The following WAPL variants were observed in gnomAD, a reference collection of about 807,000 sequenced individuals.
WAPL encodes the protein WAPL cohesin release factor, also known as wings apart-like protein homolog.
WAPL carries 5 observed loss-of-function variants against 121.0 expected under a neutral mutation model. That is an observed-to-expected ratio of 0.04 (90% confidence interval 0.02 to 0.09). The LOEUF (loss-of-function observed/expected upper bound fraction) is 0.09, where lower values mean the gene tolerates loss of function less well. WAPL is among the 10% of genes least tolerant of loss of function. The pLI is 1.00. For synonymous variants in WAPL, 480 were observed against 481.5 expected (o/e 1.00, Z 0.04); for missense variants, 999 against 1,410.8 (o/e 0.71, Z 4.68).
chr10:86,454,454 T>C (rs866743101), intron 12 of WAPL, among the ~76,000 whole-genome samples: 2 of 152,176 alleles, frequency 1.3e-5, no homozygotes, highest in South Asian at 2.1e-4. Flanking sequence ...ACTGCCGCCA[T>C]CTCGGCTCAC....
chr10:86,462,900 G>A (rs771135990), intron 9 of WAPL, among the ~76,000 whole-genome samples: 1 of 152,120 alleles, frequency 6.6e-6, no homozygotes, highest in African/African-American at 2.4e-5. Context: ...GCCTAATGAG[G>A]CATTCTTTGT....
In WAPL at chr10:86,491,187, T is replaced by C. The variant is rs377702168; in HGVS notation, c.1644+6014A>G. Among the ~76,000 whole-genome samples, 3 of 138,134 alleles carry C rather than the reference T, an allele frequency of 2.2e-5. No homozygotes were observed. In the South Asian group the frequency reaches 7.3e-4, roughly 34 times the overall value. The allele number at this position is 138,134 out of a possible 152,430, so 90.6% of individuals were successfully genotyped here. A position where few individuals can be genotyped will look rare whatever the true frequency, so the allele number is the denominator to read the frequency against. On this transcript the variant is annotated intron_variant, in intron 4 of 18. Transcript: ENST00000298767. ...CGGAGTCTCGCTCTGTTGCCCAGGC[T>C]GGAGTGCAGTGGCATGATCTCCGCT...
At chr10:86,497,690 A>G (rs1842174777) in intron 3 of WAPL, among the ~76,000 whole-genome samples, 2 of 152,344 alleles carry the variant, frequency 1.3e-5, no homozygotes, top group Middle Eastern at 6.8e-3. Context: ...CACACAAAAC[A>G]TCATGCGTAT....
At position 86,521,702 on chromosome 10, in the gene WAPL, G is replaced by A. The variant is rs778270767; in HGVS notation, c.-360C>T. On this transcript the variant is annotated 5_prime_UTR_variant, in exon 1 of 19. Coordinates refer to ENST00000298767, the MANE Select transcript of WAPL (RefSeq NM_015045.5). The stretch of plus-strand genomic sequence containing the variant: ...CCGCTTCCGCCGGTGAATGGTCAGT[G>A]CTGGAGTTTGAACAGGGCCCTGAAC... 14 of 464,414 alleles carry A rather than the reference G, an allele frequency of 3.0e-5. No individual in the cohort carries two copies. The highest frequency in any genetic ancestry group is 2.2e-4 in the South Asian group (14 of 63,518). 28.8% of individuals were successfully genotyped at this position (464,414 alleles called of 1,614,324 possible).
intron 16 of WAPL, 115 bp downstream of exon 16, chr10:86,446,127 G>A: frequency 1.8e-6 from 2 of 1,128,590 alleles, no homozygotes; most frequent in Non-Finnish European, 2.6e-6. Flanking sequence ...CTGAACTAGA[G>A]AGGTCCTCAA....
chr10:86,487,870 G>C (rs10788511), intron 4 of WAPL, among the ~76,000 whole-genome samples: 39,033 of 151,994 alleles, frequency 0.26, 5,882 homozygotes, highest in South Asian at 0.44. Flanking sequence ...ACTCCAGCCT[G>C]GGCAACAGAG....
Position 86,521,571 on chromosome 10 carries a change from GCGC to G in WAPL, c.-232_-230del. ...CCCGCAACTTCCCTCCCCGCCTCGA[GCGC>G]CGCCGGCCGGGCCCAGGCCTAGCTC... On this transcript the variant is annotated 5_prime_UTR_variant, in exon 1 of 19. Transcript: ENST00000298767. 1 of 411,202 alleles carries G rather than the reference GCGC, an allele frequency of 2.4e-6. No individual in the cohort carries two copies. The highest frequency in any genetic ancestry group is 4.9e-6 in the Non-Finnish European group (1 of 204,884). The allele number at this position is 411,202 out of a possible 1,614,324, so 25.5% of individuals were successfully genotyped here.
At chr10:86,476,503 A>G (rs1695770321) in intron 4 of WAPL, among the ~76,000 whole-genome samples, 1 of 152,168 alleles carries the variant, frequency 6.6e-6, no homozygotes, top group Non-Finnish European at 1.5e-5. Flanking sequence ...AGCCTGGCCA[A>G]CAGGATGAAA....
intron 7 of WAPL, 100 bp from the exon 8 acceptor site, chr10:86,471,203 G>A: frequency 1.2e-6 from 1 of 865,828 alleles, no homozygotes; most frequent in South Asian, 1.5e-5. Flanking sequence ...GGGGGTAAAA[G>A]GGTCAAAGCA....
rs538073652 is a variant in WAPL, at chr10:86,473,618, A to T, written c.1740+260T>A. 2.0e-5 allele frequency among the ~76,000 whole-genome samples: 3 copies of T among 152,338 alleles called. No homozygotes were observed. In the South Asian group the frequency reaches 6.2e-4, roughly 32 times the overall value. On this transcript the variant is annotated intron_variant, in intron 5 of 18. Transcript: ENST00000298767. Reference sequence around the variant, plus strand: ...AACACTAAATACTATAAATTCCATGAAATGTGGGTCATGAGTAACAAGAGC... The same window carrying T: ...AACACTAAATACTATAAATTCCATGTAATGTGGGTCATGAGTAACAAGAGC...
chr10:86,492,151 T>A (rs1199686929), intron 4 of WAPL, among the ~76,000 whole-genome samples: 1 of 151,210 alleles, frequency 6.6e-6, no homozygotes, highest in African/African-American at 2.4e-5. Flanking sequence ...TGACTTAGCA[T>A]AATGTCAGTA....
At chr10:86,501,328 T>C (rs1842242750) in intron 2 of WAPL, among the ~76,000 whole-genome samples, 1 of 152,208 alleles carries the variant, frequency 6.6e-6, no homozygotes, top group South Asian at 2.1e-4. Flanking sequence ...AAATGGCTAA[T>C]AGTGGCTATT....
intron 2 of WAPL, among the ~76,000 whole-genome samples, chr10:86,507,820 C>T (rs983787950): frequency 6.6e-6 from 1 of 151,920 alleles, no homozygotes; most frequent in Non-Finnish European, 1.5e-5. Context: ...ATACTAACCC[C>T]TTTCTCCCCT....
At chr10:86,518,734 T>C (rs573148805) in intron 1 of WAPL, among the ~76,000 whole-genome samples, 17 of 152,324 alleles carry the variant, frequency 1.1e-4, no homozygotes, top group Admixed American at 9.8e-4. Flanking sequence ...GCCTCAGAAA[T>C]ATCCAATACT....
Position 86,521,476 on chromosome 10 carries a change from G to C in WAPL, c.-134C>G, listed in dbSNP as rs1261746263. ...GCGGGAGAGCAGGGCCGGCAGGTGAGAGCCGAGAGAGGCGAGGGACTCTGC... is the reference window on the plus strand; with the variant it reads ...GCGGGAGAGCAGGGCCGGCAGGTGACAGCCGAGAGAGGCGAGGGACTCTGC... On this transcript the variant is annotated 5_prime_UTR_variant, in exon 1 of 19. Transcript: ENST00000298767. The C allele has an allele frequency of 1.2e-5, 4 of 331,128 alleles. No homozygotes were observed. The highest frequency in any genetic ancestry group is 9.2e-5 in the South Asian group (4 of 43,404). The allele number at this position is 331,128 out of a possible 1,614,324, so 20.5% of individuals were successfully genotyped here.
chr10:86,479,188 G>A (rs1841727062), intron 4 of WAPL, among the ~76,000 whole-genome samples: 1 of 152,102 alleles, frequency 6.6e-6, no homozygotes, highest in African/African-American at 2.4e-5. Flanking sequence ...AAGAGGAAAT[G>A]ACATGTTATC....
intron 2 of WAPL, 33 bp from the exon 3 acceptor site, chr10:86,500,776 G>T: frequency 6.7e-7 from 1 of 1,493,108 alleles, no homozygotes. Flanking sequence ...AAAAACATGA[G>T]TGGTATCAAC....
chr10:86,496,649 A>G (rs1044329232), intron 4 of WAPL, among the ~76,000 whole-genome samples: 1 of 152,188 alleles, frequency 6.6e-6, no homozygotes, highest in Non-Finnish European at 1.5e-5. Flanking sequence ...ATATACATAT[A>G]TATCTTACAT....
rs886320703 is a variant in WAPL, at chr10:86,472,413, G to A, written c.1894-69C>T. On this transcript the variant is annotated intron_variant, in intron 6 of 18. Transcript: ENST00000298767. The surrounding 1 kb of genome is among the most constrained non-coding windows in gnomAD (Gnocchi z 4.2). ...GCATATTTAAATCTATGGGCTCACT[G>A]TACTTTACATAAGTGCATAAAATAG... 2.6e-5 allele frequency: 40 copies of A among 1,557,458 alleles called. No individual in the cohort carries two copies. In the East Asian group the frequency reaches 3.9e-4, roughly 15 times the overall value.
Sources: allele counts gnomAD v4.1 joint callset (sites outside exome capture counted in the v4.1 genomes callset), GRCh38; gene constraint gnomAD v4.1.1; non-coding constraint Gnocchi (gnomAD v3.1); transcripts MANE v1.5; gene names NCBI Gene and HGNC (gene_info 2026-07-23, HGNC 2026-07-21).